Variants in HECTD2 observed in about 807,000 individuals in gnomAD.
The protein encoded by HECTD2 is HECT domain E3 ubiquitin protein ligase 2.
In HECTD2, 35 loss-of-function variants were observed where a neutral mutation model predicts 103.2. The ratio of observed to expected loss-of-function variants is 0.34; its 90% CI spans 0.26 to 0.45. The LOEUF (loss-of-function observed/expected upper bound fraction) is 0.45. Ranked by LOEUF, HECTD2 falls within the 20% of genes least tolerant of loss-of-function variation. HECTD2 has a pLI of 1.00. For missense variants in HECTD2, 596 were observed against 937.4 expected (o/e 0.64, Z 4.76); for synonymous variants, 281 against 329.9 (o/e 0.85, Z 1.61).
At chr10:91,422,266 C>T (rs1203172795) in intron 1 of HECTD2, among the ~76,000 whole-genome samples, 2 of 152,136 alleles carry the variant, frequency 1.3e-5, no homozygotes, top group African/African-American at 4.8e-5. Flanking sequence ...TCCAACTACA[C>T]TGCTCCCTAA....
intron 1 of HECTD2, among the ~76,000 whole-genome samples, chr10:91,420,279 A>C (rs1198580630): frequency 1.4e-5 from 2 of 138,286 alleles, no homozygotes; most frequent in African/African-American, 3.3e-5. Flanking sequence ...TTTTATGATT[A>C]CAAAAAAAAA....
Position 91,512,946 on chromosome 10 carries a change from T to C in HECTD2, c.*562T>C, listed in dbSNP as rs1272537344. The C allele has an allele frequency of 1.3e-5, 2 of 152,804 alleles. No individual in the cohort carries two copies. Among genetic ancestry groups the C allele is most frequent in the Non-Finnish European group, 2.9e-5 (2 of 68,136 alleles). The allele number at this position is 152,804 out of a possible 1,614,324, so 9.5% of individuals were successfully genotyped here. Reference sequence around the variant, plus strand: ...GAAAAGCATGTAAATAACTACATAATAGCCTGAGAATAATGGGATTTTGAT... The same window carrying C: ...GAAAAGCATGTAAATAACTACATAACAGCCTGAGAATAATGGGATTTTGAT... On this transcript the variant is annotated 3_prime_UTR_variant, in exon 21 of 21. Transcript: ENST00000298068.
chr10:91,454,029 T>A (rs1319812375), intron 2 of HECTD2, among the ~76,000 whole-genome samples: 2 of 151,954 alleles, frequency 1.3e-5, no homozygotes, highest in Non-Finnish European at 2.9e-5. Flanking sequence ...TTGTAAAAAC[T>A]GCAGGAGAAA....
At chr10:91,509,618 C>T (rs1396269452) in intron 20 of HECTD2, among the ~76,000 whole-genome samples, 3 of 152,120 alleles carry the variant, frequency 2.0e-5, no homozygotes, top group Non-Finnish European at 4.4e-5. Context: ...AAGATCATGT[C>T]CTTTGCAGCA....
chr10:91,413,723 A>C (rs1450468744), intron 1 of HECTD2, among the ~76,000 whole-genome samples: 1 of 152,186 alleles, frequency 6.6e-6, no homozygotes, highest in Non-Finnish European at 1.5e-5. Context: ...GACTTGTGAC[A>C]GGTATGGATG....
chr10:91,491,081 A>AT lies in HECTD2; in HGVS notation c.1192-117dup. The AT allele has an allele frequency of 7.9e-6, 4 of 505,756 alleles. No individual in the cohort carries two copies. In the South Asian group the frequency reaches 1.1e-4, roughly 14 times the overall value. The allele number at this position is 505,756 out of a possible 1,614,324, so 31.3% of individuals were successfully genotyped here. On this transcript the variant is annotated intron_variant, in intron 11 of 20. Transcript: ENST00000298068. ...AATGTGTATAATTGATTTTTATAAAATTGTTTATATAAGAAATGGCATAGA... is the reference window on the plus strand; with the variant it reads ...AATGTGTATAATTGATTTTTATAAAATTTGTTTATATAAGAAATGGCATAGA...
chr10:91,492,321 T>TTCTCC, intron 12 of HECTD2, 31 bp from the exon 13 acceptor site: 1 of 1,593,386 alleles, frequency 6.3e-7, no homozygotes, highest in East Asian at 2.2e-5. Flanking sequence ...CTGCTCTTTG[T>TTCTCC]TCTCCTCTAC....
chr10:91,480,462 C>CA (rs1171570492), intron 6 of HECTD2, among the ~76,000 whole-genome samples: 1 of 151,858 alleles, frequency 6.6e-6, no homozygotes, highest in Non-Finnish European at 1.5e-5. Context: ...TAGAGGTGAA[C>CA]CATTTTCAAT....
intron 20 of HECTD2, among the ~76,000 whole-genome samples, chr10:91,501,960 C>G (rs1168922318): frequency 6.6e-6 from 1 of 151,982 alleles, no homozygotes; most frequent in African/African-American, 2.4e-5. Flanking sequence ...TGTCTCCTGC[C>G]CCATACATTG....
At chr10:91,485,058 T>A in intron 9 of HECTD2, 122 bp from the exon 10 acceptor site, 1 of 612,726 alleles carries the variant, frequency 1.6e-6, no homozygotes. Flanking sequence ...GGAGCTACAT[T>A]TATTTAAAAT....
In HECTD2 at chr10:91,410,531, C is replaced by T. The variant is rs1296856097; in HGVS notation, c.93C>T (p.Arg31=). 2 of 1,469,596 alleles carry T rather than the reference C, an allele frequency of 1.4e-6. No homozygotes were observed. Among genetic ancestry groups the T allele is most frequent in the Middle Eastern group, 1.9e-4 (1 of 5,232 alleles). The allele number at this position is 1,469,596 out of a possible 1,614,324, so 91.0% of individuals were successfully genotyped here. A position where few individuals can be genotyped will look rare whatever the true frequency, so the allele number is the denominator to read the frequency against. ...PEERKGKESE[R]EKLPPIVSAG... Reference sequence around the variant, plus strand: ...AGAGGAAAGGGAAGGAGTCAGAGCGCGAGAAGCTGCCGCCCATCGTATCGG... The same window carrying T: ...AGAGGAAAGGGAAGGAGTCAGAGCGTGAGAAGCTGCCGCCCATCGTATCGG... Residue 31 remains arginine (R), a synonymous_variant, in exon 1 of 21, where the codon CGC becomes CGT. Transcript: ENST00000298068.
chr10:91,471,426 C>T (rs551441123), intron 5 of HECTD2, among the ~76,000 whole-genome samples: 11 of 152,284 alleles, frequency 7.2e-5, no homozygotes, highest in Middle Eastern at 6.8e-3. Flanking sequence ...AGGATGCCCA[C>T]TCTTAGCACT....
intron 1 of HECTD2, among the ~76,000 whole-genome samples, chr10:91,420,069 A>C (rs1843289762): frequency 6.6e-6 from 1 of 152,140 alleles, no homozygotes; most frequent in Non-Finnish European, 1.5e-5. Context: ...TTCTCATGAA[A>C]GTCTTAGGTT....
intron 20 of HECTD2, 109 bp from the exon 21 acceptor site, chr10:91,512,155 A>T: frequency 3.4e-6 from 4 of 1,182,578 alleles, no homozygotes; most frequent in Non-Finnish European, 4.8e-6. Context: ...ATCTCTTAAC[A>T]GAGTGAAATA....
intron 5 of HECTD2, among the ~76,000 whole-genome samples, chr10:91,467,633 C>T (rs1004581397): frequency 1.3e-5 from 2 of 152,044 alleles, no homozygotes; most frequent in Non-Finnish European, 2.9e-5. Flanking sequence ...CACCAGCCTA[C>T]CTGCAACATC....
intron 7 of HECTD2, among the ~76,000 whole-genome samples, chr10:91,481,861 T>C (rs1192918399): frequency 1.3e-5 from 2 of 151,824 alleles, no homozygotes; most frequent in African/African-American, 2.4e-5. Context: ...AAGTATAGTG[T>C]TTAGTACAAT....
chr10:91,460,662 C>A, intron 3 of HECTD2, 97 bp downstream of exon 3: 1 of 1,225,544 alleles, frequency 8.2e-7, no homozygotes, highest in Non-Finnish European at 1.1e-6. Context: ...TTTTGGATCA[C>A]TATAAGATAT....
chr10:91,473,640 T>C (rs1340307218), intron 5 of HECTD2, among the ~76,000 whole-genome samples: 5 of 152,182 alleles, frequency 3.3e-5, no homozygotes, highest in Admixed American at 1.3e-4. Flanking sequence ...GCCTCCTCCT[T>C]AGCCTACTTA....
rs747111142 is a variant in HECTD2, at chr10:91,514,258, G to A, written c.*1874G>A. On this transcript the variant is annotated 3_prime_UTR_variant, in exon 21 of 21. Coordinates refer to ENST00000298068, the MANE Select transcript of HECTD2 (RefSeq NM_182765.6). ...ATGTTTAATGATGTGCTTGTATATCGATTAGCTGTGTCACTTTTAAATAAG... is the reference window on the plus strand; with the variant it reads ...ATGTTTAATGATGTGCTTGTATATCAATTAGCTGTGTCACTTTTAAATAAG... 6 of 152,590 alleles carry A rather than the reference G, an allele frequency of 3.9e-5. No individual in the cohort carries two copies. Among genetic ancestry groups the A allele is most frequent in the Non-Finnish European group, 8.8e-5 (6 of 68,028 alleles). The allele number at this position is 152,590 out of a possible 1,614,324, so 9.5% of individuals were successfully genotyped here. A position where few individuals can be genotyped will look rare whatever the true frequency, so the allele number is the denominator to read the frequency against.
Sources: gnomAD v4.1 joint callset for allele counts (sites outside exome capture counted in the v4.1 genomes callset) on GRCh38, gnomAD v4.1.1 for gene constraint, MANE v1.5 for transcripts, NCBI Gene and HGNC (gene_info 2026-07-23, HGNC 2026-07-21) for gene names.